Variants in RANBP10 observed in about 807,000 individuals in gnomAD.
RANBP10 encodes RAN binding protein 10.
A neutral mutation model predicts 72.8 loss-of-function variants in RANBP10; 24 were observed. That is an observed-to-expected ratio of 0.33 (90% CI 0.24 to 0.46). The LOEUF (loss-of-function observed/expected upper bound fraction) is 0.46. Ranked by LOEUF, RANBP10 falls within the 20% of genes least tolerant of loss-of-function variation. The pLI is 1.00. For synonymous variants in RANBP10, 310 were observed against 322.3 expected (o/e 0.96, Z 0.41); for missense variants, 679 against 817.5 (o/e 0.83, Z 2.07).
chr16:67,776,005 CATG>C (rs1470662614), intron 2 of RANBP10, among the ~76,000 whole-genome samples: 1 of 151,632 alleles, frequency 6.6e-6, no homozygotes, highest in Non-Finnish European at 1.5e-5. Context: ...ATTAGCCAGG[CATG>C]GTGGTGGGTG....
intron 12 of RANBP10, 21 bp downstream of exon 12, chr16:67,727,730 G>T: frequency 6.2e-7 from 1 of 1,614,064 alleles, no homozygotes; most frequent in Non-Finnish European, 8.5e-7. Context: ...TGCTCTGCAT[G>T]AGGCCCGGCT....
At chr16:67,796,865 C>T (rs1308071220) in intron 2 of RANBP10, among the ~76,000 whole-genome samples, 1 of 152,174 alleles carries the variant, frequency 6.6e-6, no homozygotes, top group East Asian at 1.9e-4. Context: ...CAAGTCACAA[C>T]ACCAACGATC....
At chr16:67,746,991 A>G (rs1398730436) in intron 3 of RANBP10, among the ~76,000 whole-genome samples, 1 of 152,212 alleles carries the variant, frequency 6.6e-6, no homozygotes, top group African/African-American at 2.4e-5. Context: ...GCCAACAAAT[A>G]TTTGCTTTAA....
chr16:67,746,703 C>T lies in RANBP10; in HGVS notation c.401-2248G>A, dbSNP rs117391636. On this transcript the variant is annotated intron_variant, in intron 3 of 13. Transcript: ENST00000317506. ...TGGGAGTCAATTTGTTCCATCCATT[C>T]CCAGTCCCCGGCAACACTAATCTGA... 3.7e-4 allele frequency among the ~76,000 whole-genome samples: 56 copies of T among 152,288 alleles called. 1 individual carries two copies. In the East Asian group the frequency reaches 0.01, roughly 27 times the overall value.
At chr16:67,790,228 A>G (rs1164968163) in intron 2 of RANBP10, among the ~76,000 whole-genome samples, 3 of 151,900 alleles carry the variant, frequency 2.0e-5, no homozygotes, top group Non-Finnish European at 4.4e-5. Context: ...TTCCCCTTAC[A>G]TGAACTATCA....
chr16:67,752,373 C>T (rs1002724005), intron 3 of RANBP10, among the ~76,000 whole-genome samples: 1 of 152,126 alleles, frequency 6.6e-6, no homozygotes, highest in Non-Finnish European at 1.5e-5. Context: ...CAGGAGGCCG[C>T]TAGAAGCTAG....
intron 2 of RANBP10, among the ~76,000 whole-genome samples, chr16:67,774,052 G>C (rs2054652752): frequency 6.6e-6 from 1 of 152,222 alleles, no homozygotes; most frequent in South Asian, 2.1e-4. Context: ...TTACATGGCA[G>C]AGGCTGCCAA....
intron 3 of RANBP10, among the ~76,000 whole-genome samples, chr16:67,746,854 G>A (rs1222981184): frequency 6.6e-6 from 1 of 152,184 alleles, no homozygotes; most frequent in Admixed American, 6.5e-5. Flanking sequence ...GTTAGGAGAA[G>A]CAGTGTTCCA....
At chr16:67,746,257 G>A (rs1414906664) in intron 3 of RANBP10, among the ~76,000 whole-genome samples, 6 of 151,892 alleles carry the variant, frequency 4.0e-5, no homozygotes, top group African/African-American at 1.5e-4. Flanking sequence ...CGAGGCGAGC[G>A]GATCATGAGG....
At chr16:67,776,022 G>A (rs907913974) in intron 2 of RANBP10, among the ~76,000 whole-genome samples, 1 of 151,838 alleles carries the variant, frequency 6.6e-6, no homozygotes, top group Non-Finnish European at 1.5e-5. Flanking sequence ...GTGGGTGCCT[G>A]TAGTCCCAGC....
chr16:67,779,456 A>G (rs1020675207), intron 2 of RANBP10, among the ~76,000 whole-genome samples: 1 of 152,050 alleles, frequency 6.6e-6, no homozygotes, highest in African/African-American at 2.4e-5. Flanking sequence ...GCTGCCAAGA[A>G]TGAGACAAAA....
chr16:67,785,548 C>A (rs2054899649), intron 2 of RANBP10, among the ~76,000 whole-genome samples: 1 of 151,496 alleles, frequency 6.6e-6, no homozygotes, highest in Admixed American at 6.6e-5. Flanking sequence ...GTCGACATGG[C>A]AAAACCCCGT....
chr16:67,742,067 G>A (rs1271590076), intron 4 of RANBP10, among the ~76,000 whole-genome samples: 3 of 151,588 alleles, frequency 2.0e-5, no homozygotes, highest in Non-Finnish European at 2.9e-5. Flanking sequence ...CAGGAACTAA[G>A]TGATTCTTTT....
chr16:67,747,097 CA>C (rs2054096268), intron 3 of RANBP10, among the ~76,000 whole-genome samples: 1 of 152,218 alleles, frequency 6.6e-6, no homozygotes, highest in African/African-American at 2.4e-5. Flanking sequence ...AATTTGATAA[CA>C]AACTGTCAAA....
intron 5 of RANBP10, 23 bp downstream of exon 5, chr16:67,737,990 G>T: frequency 6.3e-7 from 1 of 1,580,074 alleles, no homozygotes; most frequent in East Asian, 2.3e-5. Context: ...CCCAGGAGGG[G>T]AAGACTCAAT....
At chr16:67,745,394 G>A (rs2074138529) in intron 3 of RANBP10, among the ~76,000 whole-genome samples, 1 of 152,014 alleles carries the variant, frequency 6.6e-6, no homozygotes, top group Admixed American at 6.6e-5. Context: ...GAGTGCAGTA[G>A]TGTGATCTTG....
chr16:67,731,392 T>C (rs774650526), intron 7 of RANBP10, 80 bp downstream of exon 7: 9 of 1,251,822 alleles, frequency 7.2e-6, no homozygotes, highest in Non-Finnish European at 1.0e-5. Context: ...TCCTGACAGG[T>C]TAACCAGGGT....
At chr16:67,734,758 C>T (rs1292288601) in intron 6 of RANBP10, 100 bp downstream of exon 6, 31 of 1,240,232 alleles carry the variant, frequency 2.5e-5, no homozygotes, top group East Asian at 1.1e-4. Flanking sequence ...AGGATCCACC[C>T]GCTGGAATTT....
intron 2 of RANBP10, among the ~76,000 whole-genome samples, chr16:67,779,386 G>A (rs1380468276): frequency 6.7e-6 from 1 of 148,514 alleles, no homozygotes; most frequent in Non-Finnish European, 1.5e-5. Context: ...GACAGAGCCA[G>A]ACCTTGTCTC....
Sources: gnomAD v4.1 joint callset for allele counts (sites outside exome capture counted in the v4.1 genomes callset) on GRCh38, gnomAD v4.1.1 for gene constraint, MANE v1.5 for transcripts, NCBI Gene and HGNC (gene_info 2026-07-23, HGNC 2026-07-21) for gene names.